The following RASA2 variants were observed in gnomAD, a reference collection of about 807,000 sequenced individuals.
RASA2 encodes the protein ras GTPase-activating protein 2.
Under a neutral mutation model 118.2 loss-of-function variants are expected in RASA2, and 155 were observed. The observed-to-expected ratio is 1.31, with a 90% CI of 1.15 to 1.50. RASA2 has a LOEUF of 1.50. Ranked by LOEUF, RASA2 falls within the 40% of genes most tolerant of loss-of-function variation. The pLI, the probability that RASA2 is intolerant of heterozygous loss-of-function variation, is 0.00. For synonymous variants in RASA2, 353 were observed against 349.1 expected (o/e 1.01, Z -0.12); for missense variants, 1,016 against 1,009.6 (o/e 1.01, Z -0.09).
At chr3:141,527,041 T>A (rs2082195010) in intron 3 of RASA2, among the ~76,000 whole-genome samples, 1 of 152,174 alleles carries the variant, frequency 6.6e-6, no homozygotes, top group South Asian at 2.1e-4. Context: ...ACTCTAGTTT[T>A]TAGCAGCATT....
In RASA2 at chr3:141,608,478, T is replaced by A; in HGVS notation, c.2017-11T>A. 1 of 1,611,414 alleles carries A rather than the reference T, an allele frequency of 6.2e-7. No homozygotes were observed. Among genetic ancestry groups the A allele is most frequent in the Non-Finnish European group, 8.5e-7 (1 of 1,177,658 alleles). On this transcript the variant is annotated splice_polypyrimidine_tract_variant and intron_variant, in intron 20 of 23. Transcript: ENST00000286364. The stretch of plus-strand genomic sequence containing the variant: ...CTTGTCACTAACTTTTTATCTTAAT[T>A]GCCTATGAAGATGTTCCAAGTAATA...
At chr3:141,572,431 T>C (rs1381002269) in intron 11 of RASA2, among the ~76,000 whole-genome samples, 178 bp from the exon 12 acceptor site, 1 of 152,206 alleles carries the variant, frequency 6.6e-6, no homozygotes, top group African/African-American at 2.4e-5. Context: ...AAAAACCTAA[T>C]GGCAGCAAGC....
At chr3:141,595,525 A>C (rs779213145) in intron 19 of RASA2, among the ~76,000 whole-genome samples, 25 of 152,208 alleles carry the variant, frequency 1.6e-4, no homozygotes, top group Non-Finnish European at 3.7e-4. Flanking sequence ...CATAATCCTA[A>C]ATGTGTACAT....
At chr3:141,583,512 C>T (rs1445991529) in intron 17 of RASA2, among the ~76,000 whole-genome samples, 1 of 152,120 alleles carries the variant, frequency 6.6e-6, no homozygotes, top group Non-Finnish European at 1.5e-5. Flanking sequence ...AAAATATTCA[C>T]ATAACTCAGA....
intron 15 of RASA2, among the ~76,000 whole-genome samples, chr3:141,580,085 A>AAAAAAAT (rs1553797703): frequency 1.7e-4 from 10 of 59,600 alleles, no homozygotes; most frequent in African/African-American, 4.1e-4. Flanking sequence ...AAAAAAAAAA[A>AAAAAAAT]ATATATATAT....
chr3:141,592,797 A>G (rs2083306952), intron 19 of RASA2, among the ~76,000 whole-genome samples: 1 of 152,084 alleles, frequency 6.6e-6, no homozygotes, highest in Non-Finnish European at 1.5e-5. Context: ...TTAAAAATAG[A>G]TAAAGAACTC....
At chr3:141,558,333 GAAAC>G (rs1037061051) in intron 7 of RASA2, among the ~76,000 whole-genome samples, 7 of 152,166 alleles carry the variant, frequency 4.6e-5, no homozygotes, top group African/African-American at 1.4e-4. Flanking sequence ...TTCTGAAAAA[GAAAC>G]AAAGACAGCA....
intron 15 of RASA2, among the ~76,000 whole-genome samples, chr3:141,579,051 C>T (rs916898375): frequency 6.6e-6 from 1 of 152,066 alleles, no homozygotes; most frequent in South Asian, 2.1e-4. Context: ...ATATTCCTTC[C>T]TTTCCAGATT....
At chr3:141,522,860 T>G (rs183036977) in intron 3 of RASA2, among the ~76,000 whole-genome samples, 12 of 152,286 alleles carry the variant, frequency 7.9e-5, no homozygotes, top group African/African-American at 2.6e-4. Context: ...ACTGCTTTTT[T>G]TCTGCTTCAT....
intron 3 of RASA2, among the ~76,000 whole-genome samples, chr3:141,519,664 C>T (rs1464473305): frequency 1.3e-5 from 2 of 152,124 alleles, no homozygotes; most frequent in East Asian, 3.9e-4. Flanking sequence ...AGATGTGTTT[C>T]TCCCTCTGAT....
At chr3:141,576,969 T>G in intron 14 of RASA2, 31 bp from the exon 15 acceptor site, 2 of 1,374,182 alleles carry the variant, frequency 1.5e-6, no homozygotes, top group Non-Finnish European at 2.0e-6. Flanking sequence ...ATTGTTTTTG[T>G]GCATGACATT....
chr3:141,550,256 C>T (rs2082553218), intron 5 of RASA2, among the ~76,000 whole-genome samples: 1 of 152,186 alleles, frequency 6.6e-6, no homozygotes, highest in African/African-American at 2.4e-5. Flanking sequence ...ACATCCAGTA[C>T]TTCCCAATAG....
At chr3:141,608,394 C>CTAGAT (rs1253513520) in intron 20 of RASA2, 95 bp from the exon 21 acceptor site, 4 of 1,172,612 alleles carry the variant, frequency 3.4e-6, no homozygotes, top group Non-Finnish European at 5.0e-6. Context: ...TCTAGCCAAG[C>CTAGAT]AACTAGATTC....
Position 141,487,082 on chromosome 3 carries a change from C to A in RASA2, c.-2C>A, listed in dbSNP as rs749985598. ...GGGCTGCGGCACGGGCCGGGCGGCACCATGGCGGCGGCGGCGCCTGCTGCT... is the reference window on the plus strand; with the variant it reads ...GGGCTGCGGCACGGGCCGGGCGGCAACATGGCGGCGGCGGCGCCTGCTGCT... On this transcript the variant is annotated 5_prime_UTR_variant, in exon 1 of 24. Coordinates refer to ENST00000286364, the MANE Select transcript of RASA2 (RefSeq NM_006506.5). The A allele has an allele frequency of 1.5e-6, 2 of 1,349,108 alleles. 1 individual carries two copies. Among genetic ancestry groups the A allele is most frequent in the Admixed American group, 6.1e-5 (2 of 32,606 alleles). The allele number at this position is 1,349,108 out of a possible 1,614,324, so 83.6% of individuals were successfully genotyped here.
rs2083666992 is a variant in RASA2 at position 141,612,421 on chromosome 3, T to C, written c.*108T>C. The C allele has an allele frequency of 1.2e-6, 1 of 828,486 alleles. No individual in the cohort carries two copies. The highest frequency in any genetic ancestry group is 3.0e-5 in the Admixed American group (1 of 32,880). 51.3% of individuals were successfully genotyped at this position (828,486 alleles called of 1,614,324 possible). A position where few individuals can be genotyped will look rare whatever the true frequency, so the allele number is the denominator to read the frequency against. ...ATTTAAGAATGAGCATCCGCTTCAA[T>C]GTCATCTGCCTCCACATTGTATTTA... On this transcript the variant is annotated 3_prime_UTR_variant, in exon 24 of 24. Coordinates refer to ENST00000286364, the MANE Select transcript of RASA2 (RefSeq NM_006506.5).
intron 14 of RASA2, among the ~76,000 whole-genome samples, chr3:141,575,854 G>A (rs2083002405): frequency 6.6e-6 from 1 of 152,160 alleles, no homozygotes; most frequent in Admixed American, 6.5e-5. Context: ...GAGTGCAATG[G>A]CACAATCTCG....
chr3:141,572,894 G>C (rs1161307720), intron 12 of RASA2, among the ~76,000 whole-genome samples, 171 bp downstream of exon 12: 1 of 152,026 alleles, frequency 6.6e-6, no homozygotes, highest in East Asian at 1.9e-4. Flanking sequence ...TTACTCAAAA[G>C]GTACAGTATA....
chr3:141,597,849 C>A (rs182140784), intron 19 of RASA2, among the ~76,000 whole-genome samples: 1 of 151,100 alleles, frequency 6.6e-6, no homozygotes, highest in African/African-American at 2.4e-5. Flanking sequence ...AAAAAAAAAT[C>A]AAACACAAAA....
intron 5 of RASA2, among the ~76,000 whole-genome samples, chr3:141,548,124 G>A (rs2082514843): frequency 6.6e-6 from 1 of 152,130 alleles, no homozygotes; most frequent in African/African-American, 2.4e-5. Flanking sequence ...AGGTTCATCA[G>A]GGATATTGGC....
Sources: allele counts gnomAD v4.1 joint callset (sites outside exome capture counted in the v4.1 genomes callset), GRCh38; gene constraint gnomAD v4.1.1; transcripts MANE v1.5; gene names NCBI Gene and HGNC (gene_info 2026-07-23, HGNC 2026-07-21).